The following SEC16B variants were observed in gnomAD, a reference collection of about 807,000 sequenced individuals.
SEC16B encodes protein transport protein Sec16B.
A neutral mutation model predicts 141.8 loss-of-function variants in SEC16B; 115 were observed. That is an observed-to-expected ratio of 0.81 (90% CI 0.70 to 0.95). SEC16B has a LOEUF of 0.95. Ranked by LOEUF, SEC16B falls within the 40% of genes least tolerant of loss-of-function variation. SEC16B has a pLI of 0.00. For synonymous variants in SEC16B, 493 were observed against 492.5 expected (o/e 1.00, Z -0.01); for missense variants, 1,291 against 1,312.3 (o/e 0.98, Z 0.25).
chr1:177,977,739 TC>T (rs775079339), intron 1 of SEC16B, among the ~76,000 whole-genome samples: 1 of 152,150 alleles, frequency 6.6e-6, no homozygotes, highest in Non-Finnish European at 1.5e-5. Context: ...GTCCTTTCCT[TC>T]ATCATTTTGG....
At position 177,941,927 on chromosome 1, in the gene SEC16B, G is replaced by T. The variant is rs1651306457; in HGVS notation, c.1995C>A (p.His665Gln). 1 of 1,613,908 alleles carries T rather than the reference G, an allele frequency of 6.2e-7. No individual in the cohort carries two copies. The highest frequency in any genetic ancestry group is 1.7e-5 in the Admixed American group (1 of 60,014). ...AAVLSQGESS[H>Q]PVLLVELIKL... The stretch of plus-strand genomic sequence containing the variant: ...TGATGAGTTCCACTAATAGCACAGG[G>T]TGACTGCTCTCTCCCTGGCTCAAGA... Residue 665 changes from histidine (H) to glutamine (Q), a missense_variant, in exon 16 of 26, where the codon CAC becomes CAA. Around this residue, in one of 3 missense-constraint regions of SEC16B, gnomAD observed 605 missense variants for 614.1 expected, o/e 0.99. Transcript: ENST00000308284.
chr1:177,934,907 T>C (rs1650722315), intron 20 of SEC16B, among the ~76,000 whole-genome samples: 1 of 152,116 alleles, frequency 6.6e-6, no homozygotes, highest in Non-Finnish European at 1.5e-5. Flanking sequence ...GCGAGCTCCT[T>C]ACCATGGTCG....
intron 7 of SEC16B, 29 bp downstream of exon 7, chr1:177,960,762 G>A: frequency 6.3e-7 from 1 of 1,582,832 alleles, no homozygotes; most frequent in Non-Finnish European, 8.6e-7. Context: ...CAGTGTGCCA[G>A]CATTCCAGGG....
Position 177,954,261 on chromosome 1 carries a change from T to G in SEC16B, c.1463+18A>C. ...GCCTCTCTGCCCCACTGGCCTCTTTTGTTAAGTCCTGACTCACCCACTCAT... is the reference window on the plus strand; with the variant it reads ...GCCTCTCTGCCCCACTGGCCTCTTTGGTTAAGTCCTGACTCACCCACTCAT... On this transcript the variant is annotated intron_variant, in intron 11 of 25. Coordinates refer to ENST00000308284, the MANE Select transcript of SEC16B (RefSeq NM_033127.4). The G allele has an allele frequency of 6.4e-7, 1 of 1,550,928 alleles. No individual in the cohort carries two copies. Among genetic ancestry groups the G allele is most frequent in the Non-Finnish European group, 8.7e-7 (1 of 1,144,888 alleles).
intron 4 of SEC16B, 28 bp from the exon 5 acceptor site, chr1:177,964,307 CG>C: frequency 6.4e-7 from 1 of 1,564,036 alleles, no homozygotes. Flanking sequence ...GAGCAGTGAG[CG>C]GGGTCCTGGG....
Position 177,937,498 on chromosome 1 carries a change from TG to T in SEC16B, c.2218del (p.Gln740ArgfsTer21). On this transcript the variant is annotated frameshift_variant, in exon 19 of 26. Coordinates refer to ENST00000308284, the MANE Select transcript of SEC16B (RefSeq NM_033127.4). LOFTEE classifies it high-confidence loss of function. ...GTAGCCTTGACATCCAGAAAAGTCC[TG>T]GTAGAAAGTGTTTTCTAAGGACGTG... ...GGTTTENTFY[Q>X]DFSGCQGYSE... 6.5e-7 allele frequency: 1 copy of T among 1,549,528 alleles called. No individual in the cohort carries two copies. The highest frequency in any genetic ancestry group is 2.1e-5 in the Admixed American group (1 of 48,262).
chr1:177,954,339 C>T lies in SEC16B; in HGVS notation c.1403G>A (p.Gly468Asp), dbSNP rs919153542. 3 of 1,575,842 alleles carry T rather than the reference C, an allele frequency of 1.9e-6. No individual in the cohort carries two copies. Among genetic ancestry groups the T allele is most frequent in the African/African-American group, 2.7e-5 (2 of 73,996 alleles). ...LEWAMKNHLW[G>D]HALFLSSKMD... ...CTTGCTGGACAGGAACAAAGCATGG[C>T]CCCACAAGTGGTTCTTCATGGCCCA... Residue 468 changes from glycine to aspartate, a missense_variant, in exon 11 of 26, where the codon GGC becomes GAC. Transcript: ENST00000308284.
At chr1:177,979,531 G>A (rs1295995400) in intron 1 of SEC16B, among the ~76,000 whole-genome samples, 1 of 152,192 alleles carries the variant, frequency 6.6e-6, no homozygotes, top group African/African-American at 2.4e-5. Flanking sequence ...GCTAAATTTA[G>A]CATAGCAGGA....
intron 18 of SEC16B, among the ~76,000 whole-genome samples, chr1:177,939,029 C>G (rs1356973777): frequency 6.6e-6 from 1 of 152,224 alleles, no homozygotes; most frequent in East Asian, 1.9e-4. Context: ...TCCTCCACCC[C>G]CCACCTTTAC....
upstream of SEC16B, among the ~76,000 whole-genome samples, chr1:177,971,741 A>C (rs1373514690): frequency 1.3e-5 from 2 of 152,216 alleles, no homozygotes; most frequent in Admixed American, 1.3e-4. Context: ...TGATTTACCC[A>C]AGATCACAAA....
At chr1:177,961,423 A>G in intron 6 of SEC16B, 167 bp downstream of exon 6, 1 of 639,840 alleles carries the variant, frequency 1.6e-6, no homozygotes, top group Non-Finnish European at 2.6e-6. Context: ...TACTATTACA[A>G]GCAAAAAGAG....
At position 177,929,856 on chromosome 1, in the gene SEC16B, T is replaced by G. The variant is rs368428556; in HGVS notation, c.*2A>C. The G allele has an allele frequency of 6.8e-6, 11 of 1,613,734 alleles. No homozygotes were observed. In the African/African-American group the frequency reaches 1.5e-4, roughly 22 times the overall value. On this transcript the variant is annotated 3_prime_UTR_variant, in exon 26 of 26. Coordinates refer to ENST00000308284, the MANE Select transcript of SEC16B (RefSeq NM_033127.4). ...AGATGAGCCTGGGACGTGTGTTTAT[T>G]CTCAGCATGGCTGGGTGGGATAGCG...
chr1:177,963,167 T>A (rs61816285), intron 5 of SEC16B, among the ~76,000 whole-genome samples: 1 of 151,908 alleles, frequency 6.6e-6, no homozygotes, highest in Non-Finnish European at 1.5e-5. Context: ...GCTGTACATA[T>A]GTATGTGGCT....
chr1:177,966,844 G>T (rs1266840249), intron 2 of SEC16B, among the ~76,000 whole-genome samples: 1 of 152,158 alleles, frequency 6.6e-6, no homozygotes, highest in African/African-American at 2.4e-5. Context: ...CAAAGTGCTG[G>T]GATTACAGGC....
At chr1:177,952,103 T>A in intron 11 of SEC16B, 108 bp from the exon 12 acceptor site, 1 of 900,966 alleles carries the variant, frequency 1.1e-6, no homozygotes, top group Non-Finnish European at 1.8e-6. Context: ...GGCAGCTTCC[T>A]TAGGAACATG....
upstream of SEC16B, among the ~76,000 whole-genome samples, chr1:177,972,883 G>T (rs886161298): frequency 1.3e-5 from 2 of 152,122 alleles, no homozygotes; most frequent in Non-Finnish European, 2.9e-5. Context: ...AAGAGGGTTT[G>T]CTTCTCCTCT....
intron 1 of SEC16B, among the ~76,000 whole-genome samples, chr1:177,981,269 T>C (rs1048422444): frequency 6.6e-6 from 1 of 152,148 alleles, no homozygotes; most frequent in African/African-American, 2.4e-5. Context: ...TGTGTGAGAC[T>C]GACCCCATCT....
At chr1:177,933,398 A>G in intron 21 of SEC16B, 86 bp from the exon 22 acceptor site, 1 of 1,563,976 alleles carries the variant, frequency 6.4e-7, no homozygotes, top group South Asian at 1.2e-5. Flanking sequence ...TAACCATCAG[A>G]GCCCAGACTT....
At chr1:177,930,013 C>T in intron 25 of SEC16B, 84 bp from the exon 26 acceptor site, 3 of 1,325,070 alleles carry the variant, frequency 2.3e-6, no homozygotes, top group Non-Finnish European at 3.2e-6. Context: ...GGAGCTAGGG[C>T]ACCCTGAGCC....
Sources: allele counts gnomAD v4.1 joint callset (sites outside exome capture counted in the v4.1 genomes callset), GRCh38; gene constraint gnomAD v4.1.1; regional missense constraint gnomAD v4.1.1; transcripts MANE v1.5; gene names NCBI Gene and HGNC (gene_info 2026-07-23, HGNC 2026-07-21).